Variants in NETO1 observed in about 807,000 individuals in gnomAD.
NETO1 encodes the protein neuropilin and tolloid-like protein 1.
Under a neutral mutation model 61.3 loss-of-function variants are expected in NETO1, and 26 were observed. The ratio of observed to expected loss-of-function variants is 0.42; its 90% CI spans 0.31 to 0.59. The LOEUF is 0.59. Ranked by LOEUF, NETO1 falls within the 20% of genes least tolerant of loss-of-function variation. The pLI is 0.12. For synonymous variants in NETO1, 225 were observed against 225.8 expected (o/e 1.00, Z 0.03); for missense variants, 531 against 662.8 (o/e 0.80, Z 2.18).
At chr18:72,758,393 G>GTA (rs1421655288) in intron 7 of NETO1, among the ~76,000 whole-genome samples, 1 of 149,892 alleles carries the variant, frequency 6.7e-6, no homozygotes, top group Non-Finnish European at 1.5e-5. Context: ...CTTTGTGTGT[G>GTA]TGTGTGTGTG....
chr18:72,853,463 G>A (rs977137467), intron 4 of NETO1: 3 of 151,488 alleles, frequency 2.0e-5, no homozygotes, highest in Non-Finnish European at 2.9e-5. Context: ...AAAAAAAATC[G>A]AAGTCCTTCT....
At chr18:72,766,218 ATATG>A (rs1175217353) in intron 7 of NETO1, among the ~76,000 whole-genome samples, 9 of 75,300 alleles carry the variant, frequency 1.2e-4, no homozygotes, top group Admixed American at 1.7e-4. Flanking sequence ...AAAAAAAAAA[ATATG>A]TGTGTGTGTG....
At chr18:72,758,947 T>C (rs182513388) in intron 7 of NETO1, among the ~76,000 whole-genome samples, 1 of 152,236 alleles carries the variant, frequency 6.6e-6, no homozygotes, top group African/African-American at 2.4e-5. Flanking sequence ...AAGTATAATA[T>C]TATATTGGGT....
intron 9 of NETO1, among the ~76,000 whole-genome samples, chr18:72,749,714 G>C (rs1241854071): frequency 6.6e-6 from 1 of 151,962 alleles, no homozygotes; most frequent in Non-Finnish European, 1.5e-5. Flanking sequence ...AAATATTGAT[G>C]GGAGCAATGG....
intron 4 of NETO1, among the ~76,000 whole-genome samples, chr18:72,840,264 C>A (rs1489338226): frequency 6.6e-6 from 1 of 152,162 alleles, no homozygotes; most frequent in African/African-American, 2.4e-5. Context: ...GAGGTGAGAA[C>A]TGAGGAAAAG....
At chr18:72,753,306 A>C (rs933234914) in intron 8 of NETO1, among the ~76,000 whole-genome samples, 1 of 152,166 alleles carries the variant, frequency 6.6e-6, no homozygotes, top group Admixed American at 6.5e-5. Flanking sequence ...CAATCAAATT[A>C]ACACCTGAGT....
At chr18:72,860,885 C>T (rs1188152420) in intron 3 of NETO1, among the ~76,000 whole-genome samples, 1 of 152,114 alleles carries the variant, frequency 6.6e-6, no homozygotes, top group Non-Finnish European at 1.5e-5. Context: ...CGCTTGCATA[C>T]ATTATCATCC....
intron 7 of NETO1, among the ~76,000 whole-genome samples, chr18:72,779,887 A>G (rs1203612141): frequency 1.3e-5 from 2 of 152,190 alleles, no homozygotes; most frequent in East Asian, 3.9e-4. Flanking sequence ...AGGTGCTGGC[A>G]GATTTGGTGT....
At chr18:72,787,379 A>G (rs965724878) in intron 6 of NETO1, among the ~76,000 whole-genome samples, 5 of 151,922 alleles carry the variant, frequency 3.3e-5, no homozygotes, top group Non-Finnish European at 7.4e-5. Context: ...TTACAAAGTT[A>G]TAAAAACCAA....
intron 4 of NETO1, among the ~76,000 whole-genome samples, chr18:72,856,416 A>G (rs759192249): frequency 5.9e-5 from 9 of 152,216 alleles, no homozygotes; most frequent in Non-Finnish European, 8.8e-5. Flanking sequence ...TGTTTTCCCA[A>G]TAACCTGTAC....
intron 7 of NETO1, among the ~76,000 whole-genome samples, chr18:72,770,608 T>G (rs1030981065): frequency 1.3e-5 from 2 of 152,174 alleles, no homozygotes; most frequent in Non-Finnish European, 2.9e-5. Context: ...CCTTTTAAGA[T>G]ACATCAATCA....
intron 4 of NETO1, among the ~76,000 whole-genome samples, chr18:72,838,692 T>G (rs964113079): frequency 3.0e-4 from 45 of 152,218 alleles, no homozygotes; most frequent in Non-Finnish European, 8.8e-5. Flanking sequence ...GTGCTACTGG[T>G]TCTCTTAGAG....
At chr18:72,768,119 A>G (rs2071225927) in intron 7 of NETO1, among the ~76,000 whole-genome samples, 1 of 152,206 alleles carries the variant, frequency 6.6e-6, no homozygotes. Context: ...AAAGCAAAAC[A>G]ATTTTCTGAA....
chr18:72,789,207 C>A (rs1736932065), intron 6 of NETO1, among the ~76,000 whole-genome samples: 1 of 112,422 alleles, frequency 8.9e-6, no homozygotes, highest in African/African-American at 3.4e-5. Context: ...TATTAACACA[C>A]AAGCACACAC....
intron 3 of NETO1, among the ~76,000 whole-genome samples, chr18:72,861,896 T>C (rs1443659332): frequency 2.0e-5 from 3 of 152,228 alleles, no homozygotes; most frequent in Non-Finnish European, 4.4e-5. Flanking sequence ...AAACTCTTAA[T>C]TGCTTCATGT....
At chr18:72,824,717 A>C (rs1352723329) in intron 4 of NETO1, among the ~76,000 whole-genome samples, 1 of 150,798 alleles carries the variant, frequency 6.6e-6, no homozygotes, top group Non-Finnish European at 1.5e-5. Context: ...ATACAAAAAA[A>C]AAACAAACAA....
intron 7 of NETO1, among the ~76,000 whole-genome samples, chr18:72,757,094 C>G (rs1164091063): frequency 6.6e-6 from 1 of 152,008 alleles, no homozygotes; most frequent in African/African-American, 2.4e-5. Flanking sequence ...TCTAGTGTTT[C>G]TTTTTTTCAA....
intron 7 of NETO1, among the ~76,000 whole-genome samples, chr18:72,763,132 G>T (rs907950776): frequency 2.0e-5 from 3 of 146,520 alleles, no homozygotes; most frequent in Non-Finnish European, 4.5e-5. Context: ...ATTAGATTTC[G>T]TTTTTTTTTT....
At chr18:72,794,333 TG>T (rs1568205826) in intron 5 of NETO1, 29 bp downstream of exon 5, 1 of 1,613,538 alleles carries the variant, frequency 6.2e-7, no homozygotes, top group South Asian at 1.1e-5. Context: ...CAAAGTCTTC[TG>T]AACAGTATTA....
Sources: gnomAD v4.1 joint callset for allele counts (sites outside exome capture counted in the v4.1 genomes callset) on GRCh38, gnomAD v4.1.1 for gene constraint, MANE v1.5 for transcripts, NCBI Gene and HGNC (gene_info 2026-07-23, HGNC 2026-07-21) for gene names.